Variants in RGPD4 observed in about 807,000 individuals in gnomAD.
RGPD4 encodes ranBP2-like and GRIP domain-containing protein 4.
Under a neutral mutation model 141.1 loss-of-function variants are expected in RGPD4, and 84 were observed. The ratio of observed to expected loss-of-function variants is 0.60; its 90% CI spans 0.50 to 0.71. The LOEUF is 0.71. Ranked by LOEUF, RGPD4 falls within the 30% of genes least tolerant of loss-of-function variation. The probability of loss-of-function intolerance (pLI) is 0.00; values close to 1 mark genes in which losing one functional copy is unlikely to be tolerated. For synonymous variants in RGPD4, 298 were observed against 566.8 expected, an observed-to-expected ratio of 0.53 and a Z score of 6.74; for missense variants, 918 against 1,622.4, an observed-to-expected ratio of 0.57 and a Z score of 7.46.
rs1202620781 is a variant in RGPD4, at chr2:107,863,641, C to T, written c.2469+609C>T. Among the ~76,000 whole-genome samples, 9 of 151,602 alleles carry T rather than the reference C, an allele frequency of 5.9e-5. No homozygotes were observed. The South Asian group carries it at 6.2e-4, about 11-fold the overall frequency. ...CCGAGTAGCTGGGATTACAGGCACC[C>T]GCCACCAGGCCCAGCTAATTTTTGT... On this transcript the variant is annotated intron_variant, in intron 17 of 22. Transcript: ENST00000408999.
At chr2:107,879,330 T>C (rs878929889) in intron 20 of RGPD4, among the ~76,000 whole-genome samples, 21 of 102,472 alleles carry the variant, frequency 2.0e-4, no homozygotes, top group African/African-American at 8.1e-4. Context: ...TCTGTCATCT[T>C]CCTGAAACTT....
intron 21 of RGPD4, among the ~76,000 whole-genome samples, chr2:107,882,201 T>C (rs1288497749): frequency 6.6e-6 from 1 of 151,842 alleles, no homozygotes; most frequent in Non-Finnish European, 1.5e-5. Flanking sequence ...TCCTCTCCTC[T>C]TGTCAGTGAT....
At chr2:107,880,499 A>G (rs1370021960) in intron 21 of RGPD4, among the ~76,000 whole-genome samples, 3 of 151,520 alleles carry the variant, frequency 2.0e-5, no homozygotes, top group Non-Finnish European at 4.4e-5. Flanking sequence ...TCCTGACCTC[A>G]TGATCCACCT....
chr2:107,879,916 T>C, intron 20 of RGPD4, 52 bp from the exon 21 acceptor site: 3 of 1,600,532 alleles, frequency 1.9e-6, no homozygotes, highest in Non-Finnish European at 2.6e-6. Flanking sequence ...TTTAGAATCT[T>C]CATCTGTAAT....
chr2:107,879,932 A>T, intron 20 of RGPD4, 36 bp from the exon 21 acceptor site: 1 of 1,609,908 alleles, frequency 6.2e-7, no homozygotes, highest in South Asian at 1.1e-5. Context: ...GTAATGTATG[A>T]TTTTGAAAAT....
intron 22 of RGPD4, among the ~76,000 whole-genome samples, chr2:107,884,626 T>C (rs1675461271): frequency 6.9e-6 from 1 of 145,202 alleles, no homozygotes; most frequent in Non-Finnish European, 1.5e-5. Flanking sequence ...TTGTGTGCTT[T>C]CTAAGACATC....
At chr2:107,844,823 C>CTTTTTTTTTTT (rs1681859511) in intron 6 of RGPD4, among the ~76,000 whole-genome samples, 2 of 53,854 alleles carry the variant, frequency 3.7e-5, no homozygotes, top group African/African-American at 1.4e-4. Flanking sequence ...TTCTTTCTTT[C>CTTTTTTTTTTT]TTTTTTGTTT....
intron 1 of RGPD4, among the ~76,000 whole-genome samples, chr2:107,834,582 T>G (rs993635298): frequency 1.3e-5 from 2 of 152,148 alleles, no homozygotes; most frequent in African/African-American, 4.8e-5. Context: ...GTTGGAGTAT[T>G]GCAGTGCTTG....
At chr2:107,883,516 G>C (rs1436318362) in intron 22 of RGPD4, among the ~76,000 whole-genome samples, 16 of 149,940 alleles carry the variant, frequency 1.1e-4, no homozygotes, top group Non-Finnish European at 2.1e-4. Flanking sequence ...TGTAGTCCCA[G>C]CTACTCAGGA....
At chr2:107,845,300 G>A (rs1285870544) in intron 6 of RGPD4, among the ~76,000 whole-genome samples, 35 of 113,396 alleles carry the variant, frequency 3.1e-4, no homozygotes, top group African/African-American at 1.0e-3. Context: ...GTACAGTGGC[G>A]CAATCTCGGC....
At chr2:107,887,249 C>T (rs1434046671) in intron 22 of RGPD4, among the ~76,000 whole-genome samples, 1 of 134,228 alleles carries the variant, frequency 7.5e-6, no homozygotes, top group Non-Finnish European at 1.7e-5. Flanking sequence ...GAGTAAAACC[C>T]CATCTTTAAA....
In RGPD4 at chr2:107,871,394, G is replaced by C. The variant is rs1558814497; in HGVS notation, c.3390G>C (p.Trp1130Cys). Residue 1130 changes from tryptophan to cysteine, a missense_variant, in exon 20 of 23, where the codon TGG becomes TGC. By Grantham distance (215) the Trp-to-Cys change is radical. Transcript: ENST00000408999. ...CCCTGTCTGGATCAGATAGAGCATG[G>C]ATGTGGTCAGCCAGTGATTTCTCTG... is the stretch of plus-strand genomic sequence containing the variant. ...LKPLSGSDRA[W>C]MWSASDFSDG... The C allele has an allele frequency of 9.3e-7, 1 of 1,071,032 alleles. No individual in the cohort carries two copies. The highest frequency in any genetic ancestry group is 1.3e-6 in the Non-Finnish European group (1 of 750,344). The allele number at this position is 1,071,032 out of a possible 1,614,324, so 66.3% of individuals were successfully genotyped here. A position where few individuals can be genotyped will look rare whatever the true frequency, so the allele number is the denominator to read the frequency against.
intron 9 of RGPD4, among the ~76,000 whole-genome samples, chr2:107,858,548 C>T (rs1682419167): frequency 6.6e-6 from 1 of 152,206 alleles, no homozygotes; most frequent in Admixed American, 6.5e-5. Flanking sequence ...AAGCAATTGT[C>T]TTGCCTCAGC....
intron 1 of RGPD4, among the ~76,000 whole-genome samples, chr2:107,831,457 T>A (rs1040187463): frequency 6.7e-6 from 1 of 148,946 alleles, no homozygotes; most frequent in African/African-American, 2.4e-5. Flanking sequence ...CAGCTGTTAG[T>A]TGTTTTTTCT....
At chr2:107,883,974 T>C (rs1272840819) in intron 22 of RGPD4, among the ~76,000 whole-genome samples, 14 of 152,082 alleles carry the variant, frequency 9.2e-5, no homozygotes, top group Non-Finnish European at 1.6e-4. Flanking sequence ...AATAATTCAA[T>C]GTTTATTGAA....
intron 21 of RGPD4, 100 bp downstream of exon 21, chr2:107,880,207 A>T (rs1400153399): frequency 2.6e-6 from 4 of 1,525,222 alleles, no homozygotes; most frequent in African/African-American, 2.8e-5. Context: ...TTGCAGATGC[A>T]TCTATAACGT....
chr2:107,847,101 G>A (rs1013132016), intron 6 of RGPD4, among the ~76,000 whole-genome samples: 1 of 148,818 alleles, frequency 6.7e-6, no homozygotes, highest in African/African-American at 2.5e-5. Context: ...AATTAGCCGG[G>A]CATGTTGGTA....
Position 107,870,803 on chromosome 2 carries a change from A to T in RGPD4, c.2799A>T (p.Gln933His). The change falls in exon 20 of 23, where the codon CAA (glutamine) becomes CAT (histidine). Residue 933 changes from glutamine to histidine, a missense_variant. Gln to His is a conservative substitution (Grantham distance 24). Transcript: ENST00000408999. ...TTGGCATTTCGGAACCAGGAAATCA[A>T]GAAAAGGAAAGTGAAAAGCCTCTTG... is the stretch of plus-strand genomic sequence containing the variant. ...FKFGISEPGN[Q>H]EKESEKPLEN... The T allele has an allele frequency of 6.2e-7, 1 of 1,606,102 alleles. No homozygotes were observed. Among genetic ancestry groups the T allele is most frequent in the Non-Finnish European group, 8.5e-7 (1 of 1,175,834 alleles).
rs1423185856 is a variant in RGPD4 at position 107,873,589 on chromosome 2, AAAAAAAAAAAAT to A, written c.4924+663_4924+674del. The stretch of plus-strand genomic sequence containing the variant: ...ACTTTGTCTCCAAAAAAAAAAAAAA[AAAAAAAAAAAAT>A]ATGATATTGAGATGTTCTCATTTTA... On this transcript the variant is annotated intron_variant, in intron 20 of 22. Coordinates refer to ENST00000408999, the MANE Select transcript of RGPD4 (RefSeq NM_182588.3). 3.2e-3 allele frequency among the ~76,000 whole-genome samples: 400 copies of A among 123,828 alleles called. 7 individuals carry two copies. Among genetic ancestry groups the A allele is most frequent in the African/African-American group, 0.01 (346 of 34,432 alleles). The allele number at this position is 123,828 out of a possible 152,430, so 81.2% of individuals were successfully genotyped here. A position where few individuals can be genotyped will look rare whatever the true frequency, so the allele number is the denominator to read the frequency against.
Sources: gnomAD v4.1 joint callset for allele counts (sites outside exome capture counted in the v4.1 genomes callset) on GRCh38, gnomAD v4.1.1 for gene constraint, MANE v1.5 for transcripts, NCBI Gene and HGNC (gene_info 2026-07-23, HGNC 2026-07-21) for gene names.